FMN1: variants seen among roughly 807,000 people sequenced by gnomAD.
The protein encoded by FMN1 is formin 1.
A neutral mutation model predicts 132.4 loss-of-function variants in FMN1; 110 were observed. The observed-to-expected ratio is 0.83, with a 90% CI of 0.71 to 0.97. FMN1 has a LOEUF of 0.97. Among genes scored for constraint, FMN1 ranks in the 50% least tolerant of loss-of-function variants. The pLI is 0.00. For synonymous variants in FMN1, 722 were observed against 651.7 expected (o/e 1.11, Z -1.64); for missense variants, 1,792 against 1,705.3 (o/e 1.05, Z -0.90).
At position 32,773,118 on chromosome 15, in the gene FMN1, G is replaced by A. The variant is rs1013143288; in HGVS notation, c.*1192C>T. 1 of 152,202 alleles carries A rather than the reference G, an allele frequency of 6.6e-6. No homozygotes were observed. Among genetic ancestry groups the A allele is most frequent in the African/African-American group, 2.4e-5 (1 of 41,444 alleles). 9.4% of individuals were successfully genotyped at this position (152,202 alleles called of 1,614,324 possible). A position where few individuals can be genotyped will look rare whatever the true frequency, so the allele number is the denominator to read the frequency against. ...GACAAAAGTGTCAGAGAGGTCAAAG[G>A]TGGTTTCCTTATGTGACTCAAGAGC... On this transcript the variant is annotated 3_prime_UTR_variant, in exon 21 of 21. Transcript: ENST00000616417.
At chr15:33,010,392 C>G (rs918611244) in intron 6 of FMN1, among the ~76,000 whole-genome samples, 6 of 152,050 alleles carry the variant, frequency 3.9e-5, no homozygotes, top group African/African-American at 1.5e-4. Context: ...ATTCTCTGTC[C>G]TGATTATGGT....
intron 16 of FMN1, among the ~76,000 whole-genome samples, chr15:32,886,034 C>A (rs1423756822): frequency 6.7e-6 from 1 of 148,174 alleles, no homozygotes; most frequent in Non-Finnish European, 1.5e-5. Flanking sequence ...ACACCAAGGC[C>A]TTATGGAAAA....
Position 33,076,194 on chromosome 15 carries a change from A to T in FMN1, c.2044-11120T>A, listed in dbSNP as rs530734010. Among the ~76,000 whole-genome samples the T allele has an allele frequency of 4.2e-4, 64 of 152,326 alleles. 1 individual carries two copies. The South Asian group carries it at 8.1e-3, about 19-fold the overall frequency. On this transcript the variant is annotated intron_variant, in intron 5 of 20. Coordinates refer to ENST00000616417, the MANE Select transcript of FMN1 (RefSeq NM_001277313.2). Reference sequence around the variant, plus strand: ...TTTCAGAAGAGCTTTGAGCTTTCCCAAAGTGAAGGCATAATATTGCTGTTC... The same window carrying T: ...TTTCAGAAGAGCTTTGAGCTTTCCCTAAGTGAAGGCATAATATTGCTGTTC...
chr15:33,102,774 T>C (rs919230893), intron 4 of FMN1, among the ~76,000 whole-genome samples: 1 of 152,158 alleles, frequency 6.6e-6, no homozygotes, highest in African/African-American at 2.4e-5. Context: ...TGACTGACAT[T>C]GGTTTTATTT....
chr15:33,011,141 C>T (rs908736615), intron 6 of FMN1, among the ~76,000 whole-genome samples: 1 of 152,086 alleles, frequency 6.6e-6, no homozygotes, highest in African/African-American at 2.4e-5. Context: ...ACCTTACCTC[C>T]TAATGAGAAT....
intron 6 of FMN1, among the ~76,000 whole-genome samples, chr15:33,058,241 G>A (rs1013687407): frequency 6.6e-6 from 1 of 152,152 alleles, no homozygotes; most frequent in African/African-American, 2.4e-5. Context: ...AAGCCACCTG[G>A]ATAGAAATTA....
At chr15:33,049,364 T>C (rs1222116384) in intron 6 of FMN1, among the ~76,000 whole-genome samples, 1 of 152,178 alleles carries the variant, frequency 6.6e-6, no homozygotes, top group Admixed American at 6.5e-5. Context: ...ACATAGCTCC[T>C]AGACCAGAAC....
chr15:33,054,040 A>C (rs917751563), intron 6 of FMN1, among the ~76,000 whole-genome samples: 1 of 152,154 alleles, frequency 6.6e-6, no homozygotes, highest in Non-Finnish European at 1.5e-5. Context: ...AGGTGCTAAA[A>C]AATCCAACCC....
chr15:32,778,612 C>T (rs1595891891), intron 19 of FMN1, among the ~76,000 whole-genome samples: 1 of 152,184 alleles, frequency 6.6e-6, no homozygotes, highest in South Asian at 2.1e-4. Flanking sequence ...GATACCACTT[C>T]ACATCCACTA....
chr15:32,938,864 A>T (rs1301802585), intron 9 of FMN1, among the ~76,000 whole-genome samples: 1 of 152,122 alleles, frequency 6.6e-6, no homozygotes, highest in Non-Finnish European at 1.5e-5. Flanking sequence ...TTGTCTTTAT[A>T]TTGTTTTTGC....
intron 17 of FMN1, among the ~76,000 whole-genome samples, chr15:32,854,195 T>A (rs904456946): frequency 6.6e-6 from 1 of 152,218 alleles, no homozygotes; most frequent in Non-Finnish European, 1.5e-5. Flanking sequence ...ATATTTGACA[T>A]GTTTTTTCTG....
chr15:33,119,230 C>G (rs761280046), intron 4 of FMN1, among the ~76,000 whole-genome samples: 1 of 152,160 alleles, frequency 6.6e-6, no homozygotes, highest in Admixed American at 6.5e-5. Context: ...AGAGAACAGG[C>G]TTCTGTTTTC....
At chr15:33,018,052 G>A (rs916411886) in intron 6 of FMN1, among the ~76,000 whole-genome samples, 16 of 140,148 alleles carry the variant, frequency 1.1e-4, no homozygotes, top group East Asian at 4.0e-4. Flanking sequence ...GCAACAGAGC[G>A]ACACTACCTC....
intron 16 of FMN1, among the ~76,000 whole-genome samples, chr15:32,861,214 C>T (rs1054841950): frequency 3.5e-4 from 54 of 152,300 alleles, no homozygotes; most frequent in Admixed American, 2.1e-3. Flanking sequence ...TATAATCGAA[C>T]GCCTGACAAT....
chr15:32,891,064 T>C (rs2060015965), intron 15 of FMN1, among the ~76,000 whole-genome samples: 1 of 152,188 alleles, frequency 6.6e-6, no homozygotes, highest in South Asian at 2.1e-4. Flanking sequence ...TTGGGTTTAT[T>C]TCTGGGTTTT....
rs553889266 is a variant in FMN1, at chr15:33,113,212, A to G, written c.1868-24238T>C. 2.4e-4 allele frequency among the ~76,000 whole-genome samples: 37 copies of G among 151,780 alleles called. 1 individual carries two copies. The highest frequency in any genetic ancestry group is 8.7e-4 in the African/African-American group (36 of 41,448). ...GTGATCATTTGTTAGGGGGTTGCTC[A>G]CTTTCTGACATATTCTTACCTAAAG... On this transcript the variant is annotated intron_variant, in intron 4 of 20. Coordinates refer to ENST00000616417, the MANE Select transcript of FMN1 (RefSeq NM_001277313.2).
intron 12 of FMN1, among the ~76,000 whole-genome samples, chr15:32,902,605 C>T (rs1341449636): frequency 6.6e-6 from 1 of 152,198 alleles, no homozygotes; most frequent in East Asian, 1.9e-4. Flanking sequence ...TTAACTTACA[C>T]ACATAGACAT....
chr15:33,133,717 A>G (rs1234045808), intron 4 of FMN1, among the ~76,000 whole-genome samples: 4 of 152,348 alleles, frequency 2.6e-5, no homozygotes, highest in African/African-American at 9.6e-5. Flanking sequence ...AAGGAACATT[A>G]ACGTTTCTAC....
chr15:32,888,035 T>C, intron 16 of FMN1, 137 bp downstream of exon 16: 5 of 622,026 alleles, frequency 8.0e-6, no homozygotes, highest in Non-Finnish European at 1.3e-5. Flanking sequence ...AGAAGGAAAG[T>C]TTCCTGAAAG....
Sources: gnomAD v4.1 joint callset for allele counts (sites outside exome capture counted in the v4.1 genomes callset) on GRCh38, gnomAD v4.1.1 for gene constraint, MANE v1.5 for transcripts, NCBI Gene and HGNC (gene_info 2026-07-23, HGNC 2026-07-21) for gene names.